Variants in C11orf65 observed in about 807,000 individuals in gnomAD.
C11orf65 encodes chromosome 11 open reading frame 65, also known as protein MFI.
A neutral mutation model predicts 35.3 loss-of-function variants in C11orf65; 38 were observed. The ratio of observed to expected loss-of-function variants is 1.08; its 90% CI spans 0.83 to 1.41. The LOEUF (loss-of-function observed/expected upper bound fraction) is 1.41, where lower values mean the gene tolerates loss of function less well. Ranked by LOEUF, C11orf65 falls within the 40% of genes most tolerant of loss-of-function variation. The pLI, the probability that C11orf65 is intolerant of heterozygous loss-of-function variation, is 0.00. For synonymous variants in C11orf65, 105 were observed against 114.4 expected (o/e 0.92, Z 0.53); for missense variants, 370 against 367.1 (o/e 1.01, Z -0.06).
At chr11:108,346,196 C>T (rs1358176845) in intron 2 of C11orf65, among the ~76,000 whole-genome samples, 1 of 151,994 alleles carries the variant, frequency 6.6e-6, no homozygotes, top group Non-Finnish European at 1.5e-5. Context: ...ATTTTCTCTC[C>T]TCTCAATATA....
intron 6 of C11orf65, chr11:108,317,646 T>TAC (rs1308746336): frequency 7.7e-5 from 11 of 141,962 alleles, no homozygotes; most frequent in Middle Eastern, 3.1e-3. Flanking sequence ...TATATATATA[T>TAC]ATATATACAC....
At chr11:108,366,368 ATC>A (rs758912299) in intron 2 of C11orf65, 40 of 213,850 alleles carry the variant, frequency 1.9e-4, no homozygotes, top group Non-Finnish European at 3.4e-4. Context: ...CATTTTTCAG[ATC>A]TCTGTTTCTT....
At chr11:108,456,645 G>A (rs2135715283) in intron 2 of C11orf65, among the ~76,000 whole-genome samples, 1 of 151,756 alleles carries the variant, frequency 6.6e-6, no homozygotes, top group Admixed American at 6.6e-5. Flanking sequence ...AGCCAGGCAT[G>A]GTAGTGCACA....
chr11:108,469,318 T>C (rs2093563670), upstream of C11orf65, among the ~76,000 whole-genome samples: 1 of 151,748 alleles, frequency 6.6e-6, no homozygotes, highest in African/African-American at 2.4e-5. Flanking sequence ...TTTATGTATA[T>C]TTTACCACAA....
intron 6 of C11orf65, among the ~76,000 whole-genome samples, chr11:108,403,779 C>T (rs746957416): frequency 3.7e-4 from 56 of 152,158 alleles, no homozygotes; most frequent in Non-Finnish European, 7.2e-4. Flanking sequence ...CCCTTGGCAC[C>T]TCTGTTGAAA....
At chr11:108,459,310 G>C (rs1470918448) in intron 2 of C11orf65, among the ~76,000 whole-genome samples, 1 of 151,920 alleles carries the variant, frequency 6.6e-6, no homozygotes, top group African/African-American at 2.4e-5. Context: ...CTAATAGTAT[G>C]TATCTGTCTA....
intron 2 of C11orf65, among the ~76,000 whole-genome samples, chr11:108,374,908 A>G (rs993418003): frequency 2.6e-5 from 4 of 152,216 alleles, no homozygotes; most frequent in South Asian, 2.1e-4. Context: ...TGAAATGAAT[A>G]AAATGAAGCG....
chr11:108,421,507 A>T lies in C11orf65; in HGVS notation c.174+10239T>A, dbSNP rs113106176. 9.1e-3 allele frequency among the ~76,000 whole-genome samples: 1,383 copies of T among 152,170 alleles called. 18 individuals are homozygous for T. The highest frequency in any genetic ancestry group is 0.031 in the African/African-American group (1,296 of 41,520). ...CCTGTCTCTACTAAAAATACAAAAAAAATTAGCTGGGCTTGGTGGTGGCGC... is the reference window on the plus strand; with the variant it reads ...CCTGTCTCTACTAAAAATACAAAAATAATTAGCTGGGCTTGGTGGTGGCGC... On this transcript the variant is annotated intron_variant, in intron 3 of 8. Transcript: ENST00000393084.
intron 2 of C11orf65, among the ~76,000 whole-genome samples, chr11:108,370,573 G>A (rs1221626477): frequency 1.4e-5 from 2 of 147,064 alleles, no homozygotes; most frequent in South Asian, 2.1e-4. Context: ...AAAGATAAAA[G>A]TGTAAGTGTT....
intron 2 of C11orf65, chr11:108,366,407 GT>G (rs1322974277): frequency 9.2e-6 from 2 of 217,232 alleles, no homozygotes; most frequent in South Asian, 1.9e-4. Context: ...TTTTTTTAAT[GT>G]TTTTTATGTC....
rs1057521029 is a variant in C11orf65, at chr11:108,365,165, T to G, written c.226+28043A>C. On this transcript the variant is annotated intron_variant, in intron 2 of 3. Transcript: ENST00000524755. Reference sequence around the variant, plus strand: ...TACAGCAGAGGCCGGAAGATGAAACTGAGCTTCACCCTACTCTGAATGCAG... The same window carrying G: ...TACAGCAGAGGCCGGAAGATGAAACGGAGCTTCACCCTACTCTGAATGCAG... 9 of 1,614,256 alleles carry G rather than the reference T, an allele frequency of 5.6e-6. No homozygotes were observed. The highest frequency in any genetic ancestry group is 7.6e-6 in the Non-Finnish European group (9 of 1,180,040).
In C11orf65 at chr11:108,360,725, A is replaced by G. The variant is rs1459718909; in HGVS notation, c.227-25433T>C. On this transcript the variant is annotated intron_variant, in intron 2 of 3. Transcript: ENST00000524755. ...TGATTATCTCAATAGATGCAGAAAA[A>G]GCCTTTGACAAAATTCAACAACCCT... Among the ~76,000 whole-genome samples, 36 of 140,674 alleles carry G rather than the reference A, an allele frequency of 2.6e-4. No individual in the cohort carries two copies. In the South Asian group the frequency reaches 6.3e-3, roughly 25 times the overall value. The allele number at this position is 140,674 out of a possible 152,430, so 92.3% of individuals were successfully genotyped here. A position where few individuals can be genotyped will look rare whatever the true frequency, so the allele number is the denominator to read the frequency against.
In C11orf65 at chr11:108,345,872, T is replaced by C. The variant is rs1555138320; in HGVS notation, c.227-10580A>G. 6.2e-7 allele frequency: 1 copy of C among 1,613,902 alleles called. No individual in the cohort carries two copies. Among genetic ancestry groups the C allele is most frequent in the Non-Finnish European group, 8.5e-7 (1 of 1,179,854 alleles). On this transcript the variant is annotated intron_variant, in intron 2 of 3. Coordinates refer to the C11orf65 transcript ENST00000524755. ...TCCAGCTATTTGGTTTGAGAAGCGA[T>C]TGGCTTATACGCGCAGTGTAGCTAC...
intron 2 of C11orf65, chr11:108,366,932 A>G (rs1007243818): frequency 1.3e-5 from 3 of 222,262 alleles, no homozygotes; most frequent in Non-Finnish European, 2.7e-5. Context: ...GAGACTGGCA[A>G]ATTGTTCCAG....
chr11:108,364,995 T>G (rs1424205012), intron 2 of C11orf65: 1 of 1,493,128 alleles, frequency 6.7e-7, no homozygotes, highest in African/African-American at 1.4e-5. Flanking sequence ...TGTGACTGGC[T>G]TATTTGTATG....
chr11:108,462,699 T>C (rs1283088958), intron 1 of C11orf65: 1 of 152,218 alleles, frequency 6.6e-6, no homozygotes, highest in African/African-American at 2.4e-5. Context: ...GGGAGAAACA[T>C]GGATTTTTAC....
intron 3 of C11orf65, among the ~76,000 whole-genome samples, chr11:108,423,495 A>C (rs909833516): frequency 6.6e-6 from 1 of 152,036 alleles, no homozygotes; most frequent in Non-Finnish European, 1.5e-5. Flanking sequence ...CAGCAGACTT[A>C]AACGTTCCTG....
chr11:108,402,652 A>G (rs1393316935), intron 6 of C11orf65, among the ~76,000 whole-genome samples: 1 of 149,682 alleles, frequency 6.7e-6, no homozygotes, highest in Non-Finnish European at 1.5e-5. Context: ...TGACATGTCT[A>G]TATACCTGTA....
chr11:108,394,179 C>CAA (rs11387098), intron 6 of C11orf65, among the ~76,000 whole-genome samples: 1,114 of 82,374 alleles, frequency 0.014, 26 homozygotes, highest in Middle Eastern at 0.023. Flanking sequence ...GACTCCATCT[C>CAA]AAAAAAAAAA....
Sources: gnomAD v4.1 joint callset for allele counts (sites outside exome capture counted in the v4.1 genomes callset) on GRCh38, gnomAD v4.1.1 for gene constraint, MANE v1.5 for transcripts, NCBI Gene and HGNC (gene_info 2026-07-23, HGNC 2026-07-21) for gene names.